FLNB: variants seen among roughly 807,000 people sequenced by gnomAD.
FLNB encodes the protein filamin B, also known as filamin-B.
In FLNB, 111 loss-of-function variants were observed where a neutral mutation model predicts 250.6. The observed-to-expected ratio is 0.44, with a 90% CI of 0.38 to 0.52. The LOEUF is 0.52. Ranked by LOEUF, FLNB falls within the 20% of genes least tolerant of loss-of-function variation. The pLI is 0.00. For synonymous variants in FLNB, 1,302 were observed against 1,372.1 expected, an observed-to-expected ratio of 0.95 and a Z score of 1.13; for missense variants, 2,869 against 3,447.8, an observed-to-expected ratio of 0.83 and a Z score of 4.20.
chr3:58,132,794 A>G lies in FLNB; in HGVS notation c.4391-14A>G. On this transcript the variant is annotated splice_polypyrimidine_tract_variant and intron_variant, in intron 25 of 45. Coordinates refer to ENST00000295956, the MANE Select transcript of FLNB (RefSeq NM_001457.4). The stretch of plus-strand genomic sequence containing the variant: ...GGCCAGGCAGCTCCTTAAACCTCTC[A>G]TCTCTGTCCTCAGGCTTGGTGGAGC... 2.5e-6 allele frequency: 4 copies of G among 1,613,854 alleles called. No homozygotes were observed. Among genetic ancestry groups the G allele is most frequent in the Non-Finnish European group, 3.4e-6 (4 of 1,179,816 alleles).
chr3:58,125,498 A>G, intron 22 of FLNB, 83 bp from the exon 23 acceptor site: 1 of 1,492,986 alleles, frequency 6.7e-7, no homozygotes, highest in East Asian at 2.3e-5. Context: ...TCGATGCTAG[A>G]TGAAACTCTG....
intron 1 of FLNB, among the ~76,000 whole-genome samples, 184 bp downstream of exon 1, chr3:58,009,040 C>T (rs2097094379): frequency 6.6e-6 from 1 of 152,038 alleles, no homozygotes; most frequent in Non-Finnish European, 1.5e-5. Context: ...TGGGATGGGA[C>T]CTGTTGTGAT....
rs1559727823 is a variant in FLNB at position 58,146,014 on chromosome 3, C to T, written c.5519C>T (p.Ala1840Val). 1.2e-6 allele frequency: 2 copies of T among 1,614,094 alleles called. No individual in the cohort carries two copies. Among genetic ancestry groups the T allele is most frequent in the South Asian group, 1.1e-5 (1 of 91,096 alleles). ...GTGTATGGAGTGGCCAACAAAACTG[C>T]CACCTTCACCATCGTCACAGAGGAT... ...GLVYGVANKT[A>V]TFTIVTEDAG... Residue 1840 changes from alanine to valine, a missense_variant, in exon 33 of 46, where the codon GCC becomes GTC. By Grantham distance (64) the Ala-to-Val change is moderately conservative. This residue lies in a region of FLNB where 1,084 missense variants were observed against 1,315.5 expected (regional missense o/e 0.82). Coordinates refer to ENST00000295956, the MANE Select transcript of FLNB (RefSeq NM_001457.4).
chr3:58,156,002 C>T lies in FLNB; in HGVS notation c.6815C>T (p.Pro2272Leu), dbSNP rs377367461. The T allele has an allele frequency of 1.3e-5, 21 of 1,613,940 alleles. No individual in the cohort carries two copies. The highest frequency in any genetic ancestry group is 6.7e-5 in the Admixed American group (4 of 59,996). ...ATCAAGTTCAATGATGAGCACATCC[C>T]GGAAAGCCCCTACCTGGTGCCGGTC... ...VSIKFNDEHI[P>L]ESPYLVPVIA... Residue 2272 changes from proline (P) to leucine (L), a missense_variant, in exon 41 of 46, where the codon CCG becomes CTG. Transcript: ENST00000295956.
intron 1 of FLNB, among the ~76,000 whole-genome samples, chr3:58,049,779 G>A (rs563737077): frequency 6.6e-6 from 1 of 152,280 alleles, no homozygotes; most frequent in South Asian, 2.1e-4. Flanking sequence ...GGGGGTGTCA[G>A]GACTGTTGTG....
At chr3:58,143,718 G>C in intron 32 of FLNB, 105 bp downstream of exon 32, 2 of 1,404,406 alleles carry the variant, frequency 1.4e-6, no homozygotes, top group Non-Finnish European at 2.0e-6. Flanking sequence ...TCGGCAGCAG[G>C]CTGGAGAATG....
At chr3:58,155,007 T>G in intron 40 of FLNB, 79 bp downstream of exon 40, 1 of 1,464,328 alleles carries the variant, frequency 6.8e-7, no homozygotes, top group Non-Finnish European at 9.5e-7. Flanking sequence ...ATCCATCAAG[T>G]TTGCTGAAGT....
chr3:58,064,927 C>T (rs2097183435), intron 1 of FLNB, among the ~76,000 whole-genome samples: 2 of 152,132 alleles, frequency 1.3e-5, no homozygotes, highest in South Asian at 4.1e-4. Context: ...GTAGTCCCAG[C>T]TACTTAGAAA....
At chr3:58,125,836 AT>A in intron 23 of FLNB, 93 bp downstream of exon 23, 1 of 1,209,820 alleles carries the variant, frequency 8.3e-7, no homozygotes, top group Admixed American at 1.8e-5. Context: ...GATAAGATGA[AT>A]TTTTATTTTT....
intron 1 of FLNB, among the ~76,000 whole-genome samples, chr3:58,059,578 C>T (rs560717453): frequency 1.3e-5 from 2 of 152,322 alleles, no homozygotes; most frequent in African/African-American, 4.8e-5. Context: ...GCCACGGCAG[C>T]AGCTGGTGGA....
intron 22 of FLNB, 149 bp downstream of exon 22, chr3:58,124,654 T>C: frequency 1.2e-6 from 1 of 847,118 alleles, no homozygotes; most frequent in Non-Finnish European, 1.9e-6. Flanking sequence ...CAGCGTCCGC[T>C]GCAGTCACCT....
rs150224681 is a variant in FLNB, at chr3:58,163,426, G to A, written c.7198+96G>A. 1,459 of 1,301,098 alleles carry A rather than the reference G, an allele frequency of 1.1e-3. 1 individual carries two copies. The highest frequency in any genetic ancestry group is 1.9e-3 in the Admixed American group (106 of 55,564). The allele number at this position is 1,301,098 out of a possible 1,614,324, so 80.6% of individuals were successfully genotyped here. ...CAAGCCCCATGAAAGCTTTTTACACGTACTCCCCGTGGAAACTGGGGTCAT... is the reference window on the plus strand; with the variant it reads ...CAAGCCCCATGAAAGCTTTTTACACATACTCCCCGTGGAAACTGGGGTCAT... On this transcript the variant is annotated intron_variant, in intron 43 of 45. Transcript: ENST00000295956.
At chr3:58,074,314 A>G (rs913478886) in intron 1 of FLNB, among the ~76,000 whole-genome samples, 1 of 152,228 alleles carries the variant, frequency 6.6e-6, no homozygotes, top group Non-Finnish European at 1.5e-5. Context: ...CACCTGCTGA[A>G]TTTTGAGAAC....
intron 18 of FLNB, among the ~76,000 whole-genome samples, chr3:58,115,425 G>A (rs1168441686): frequency 6.6e-6 from 1 of 152,202 alleles, no homozygotes; most frequent in African/African-American, 2.4e-5. Flanking sequence ...CCGTTAGAAA[G>A]TAAGTTGCAG....
chr3:58,017,382 C>G (rs2106695710), intron 1 of FLNB, among the ~76,000 whole-genome samples: 1 of 152,322 alleles, frequency 6.6e-6, no homozygotes, highest in Admixed American at 6.5e-5. Flanking sequence ...TCCCAAGTAG[C>G]TGGGATTACA....
chr3:58,141,165 A>C (rs1415290398), intron 29 of FLNB, among the ~76,000 whole-genome samples: 1 of 152,110 alleles, frequency 6.6e-6, no homozygotes, highest in Non-Finnish European at 1.5e-5. Flanking sequence ...AGGTGGGAGG[A>C]TCACCTGGGC....
At chr3:58,136,238 C>T in intron 28 of FLNB, 70 bp downstream of exon 28, 1 of 1,491,446 alleles carries the variant, frequency 6.7e-7, no homozygotes, top group Non-Finnish European at 9.3e-7. Flanking sequence ...TAGCCCTTCT[C>T]TGTGACTTAC....
At chr3:58,032,318 A>G (rs1217168686) in intron 1 of FLNB, among the ~76,000 whole-genome samples, 2 of 152,116 alleles carry the variant, frequency 1.3e-5, no homozygotes, top group Middle Eastern at 3.2e-3. Context: ...TGATATTTTG[A>G]CAAAGGCATT....
At position 58,094,895 on chromosome 3, in the gene FLNB, A is replaced by G. The variant is rs772982798; in HGVS notation, c.847A>G (p.Ser283Gly). The G allele has an allele frequency of 1.3e-5, 21 of 1,614,076 alleles. No homozygotes were observed. The East Asian group carries it at 4.5e-4, about 34-fold the overall frequency. The change falls in exon 5 of 46, where the codon AGC becomes GGC. Residue 283 changes from serine (S) to glycine (G), a missense_variant. This residue lies in a region of FLNB where 308 missense variants were observed against 466.1 expected (regional missense o/e 0.66). Transcript: ENST00000295956. ...AGCCAAGTTCACTGTGGACACCATC[A>G]GCGCCGGGCAAGGAGACGTGATGGT... ...QPAKFTVDTI[S>G]AGQGDVMVFV...
Sources: allele counts gnomAD v4.1 joint callset (sites outside exome capture counted in the v4.1 genomes callset), GRCh38; gene constraint gnomAD v4.1.1; regional missense constraint gnomAD v4.1.1; transcripts MANE v1.5; gene names NCBI Gene and HGNC (gene_info 2026-07-23, HGNC 2026-07-21).